The following NTM variants were observed in gnomAD, a reference collection of about 807,000 sequenced individuals.
NTM encodes the protein IgLON family member 2.
Under a neutral mutation model 42.1 loss-of-function variants are expected in NTM, and 13 were observed. That is an observed-to-expected ratio of 0.31 (90% CI 0.20 to 0.49). The LOEUF (loss-of-function observed/expected upper bound fraction) is 0.49. NTM is among the 20% of genes least tolerant of loss of function. The pLI, the probability that NTM is intolerant of heterozygous loss-of-function variation, is 0.99. For synonymous variants in NTM, 187 were observed against 179.2 expected (o/e 1.04, Z -0.35); for missense variants, 373 against 452.8 (o/e 0.82, Z 1.60).
intron 4 of NTM, among the ~76,000 whole-genome samples, chr11:132,303,712 C>CAAAAAA (rs139688601): frequency 1.8e-5 from 2 of 113,166 alleles, no homozygotes; most frequent in African/African-American, 3.2e-5. Context: ...TTCTAGGTGA[C>CAAAAAA]AAAAAAAAAA....
chr11:131,973,593 G>A (rs1293357749), intron 2 of NTM, among the ~76,000 whole-genome samples: 1 of 152,218 alleles, frequency 6.6e-6, no homozygotes, highest in Non-Finnish European at 1.5e-5. Context: ...ACAGTGGGCA[G>A]ATCACCTGAG....
chr11:131,583,178 A>G (rs947446135), intron 1 of NTM, among the ~76,000 whole-genome samples: 2 of 152,106 alleles, frequency 1.3e-5, no homozygotes, highest in East Asian at 1.9e-4. Context: ...TGTTCTTCCA[A>G]TTGGATTCAG....
intron 1 of NTM, among the ~76,000 whole-genome samples, chr11:131,858,671 G>T (rs1277020102): frequency 6.6e-6 from 1 of 152,236 alleles, no homozygotes; most frequent in Non-Finnish European, 1.5e-5. Flanking sequence ...GAGCTCACTG[G>T]CTTTGCTGAA....
intron 2 of NTM, among the ~76,000 whole-genome samples, chr11:132,128,124 T>C (rs563283290): frequency 6.6e-6 from 1 of 152,334 alleles, no homozygotes; most frequent in East Asian, 1.9e-4. Context: ...GGCAGATGGC[T>C]GGGGACAGGA....
intron 7 of NTM, chr11:132,317,802 G>GTGGAAGGCTATTGAAGGAGGTGAT (rs2095470305): frequency 3.7e-6 from 2 of 537,994 alleles, no homozygotes; most frequent in Non-Finnish European, 3.2e-6. Context: ...CTTAGAGGAT[G>GTGGAAGGCTATTGAAGGAGGTGAT]TGGAAGGCTA....
intron 4 of NTM, among the ~76,000 whole-genome samples, chr11:132,232,387 C>T (rs2087789021): frequency 6.6e-6 from 1 of 152,214 alleles, no homozygotes; most frequent in African/African-American, 2.4e-5. Flanking sequence ...GACCCGGGCA[C>T]ACTGCTGGGA....
intron 1 of NTM, among the ~76,000 whole-genome samples, chr11:131,566,161 T>C (rs1365483779): frequency 6.6e-6 from 1 of 152,162 alleles, no homozygotes; most frequent in Non-Finnish European, 1.5e-5. Flanking sequence ...AATATAATCC[T>C]GATAAGATCT....
chr11:132,239,618 G>A (rs1186074509), intron 4 of NTM, among the ~76,000 whole-genome samples: 1 of 152,096 alleles, frequency 6.6e-6, no homozygotes, highest in African/African-American at 2.4e-5. Flanking sequence ...CTTGGCCAAC[G>A]GTATAAATTG....
At chr11:131,617,392 C>G (rs765664270) in intron 1 of NTM, among the ~76,000 whole-genome samples, 2 of 152,188 alleles carry the variant, frequency 1.3e-5, no homozygotes, top group East Asian at 3.8e-4. Context: ...CCCGATTCTA[C>G]TGCGATTGTG....
At chr11:131,848,322 A>T (rs1275467437) in intron 1 of NTM, among the ~76,000 whole-genome samples, 1 of 152,142 alleles carries the variant, frequency 6.6e-6, no homozygotes, top group African/African-American at 2.4e-5. Context: ...CTCCAGTTGG[A>T]GTTTCCTTGA....
intron 1 of NTM, among the ~76,000 whole-genome samples, chr11:131,390,092 C>T (rs556514352): frequency 6.6e-6 from 1 of 152,286 alleles, no homozygotes; most frequent in East Asian, 1.9e-4. Context: ...CATGGTTCTG[C>T]AGGCTGTATT....
At chr11:132,242,437 G>A (rs1293043852) in intron 4 of NTM, among the ~76,000 whole-genome samples, 2 of 152,166 alleles carry the variant, frequency 1.3e-5, no homozygotes, top group Non-Finnish European at 2.9e-5. Flanking sequence ...ATGGTGGGTG[G>A]GGACAGAGTG....
chr11:131,541,505 GATTTTGTGAGCTATGTAAAGTCAGTCA>G (rs1271670282), intron 1 of NTM, among the ~76,000 whole-genome samples: 17 of 152,156 alleles, frequency 1.1e-4, no homozygotes, highest in Admixed American at 3.9e-4. Context: ...AAACCTAGTC[GATTTTGTGAGCTATGTAAAGTCAGTCA>G]ATTTTGTGAG....
intron 1 of NTM, among the ~76,000 whole-genome samples, chr11:131,732,517 A>G (rs2079824998): frequency 6.6e-6 from 1 of 152,190 alleles, no homozygotes. Context: ...TCTCACTGTG[A>G]GATTTCAGAA....
chr11:131,993,926 C>G (rs2067479996), intron 2 of NTM, among the ~76,000 whole-genome samples: 1 of 150,614 alleles, frequency 6.6e-6, no homozygotes, highest in Non-Finnish European at 1.5e-5. Flanking sequence ...TTGCTTGAAC[C>G]TGGAAGGCAG....
At chr11:131,767,242 T>C (rs1438242486) in intron 1 of NTM, 1 of 413,502 alleles carries the variant, frequency 2.4e-6, no homozygotes, top group Non-Finnish European at 3.3e-6. Context: ...CTCATAGGAT[T>C]GTTGTAAGAA....
chr11:131,624,839 C>T (rs529358535), intron 1 of NTM, among the ~76,000 whole-genome samples: 7 of 152,274 alleles, frequency 4.6e-5, no homozygotes, highest in Admixed American at 6.5e-5. Context: ...ACATGCCTAC[C>T]GCATGCCAGG....
intron 1 of NTM, among the ~76,000 whole-genome samples, chr11:131,652,541 G>A (rs1027499815): frequency 1.3e-5 from 2 of 152,184 alleles, no homozygotes; most frequent in Non-Finnish European, 2.9e-5. Flanking sequence ...TGATGTTTTT[G>A]GAAGTTTGCT....
chr11:131,865,736 C>CAT (rs1390850424), intron 1 of NTM, among the ~76,000 whole-genome samples: 1 of 86,766 alleles, frequency 1.2e-5, no homozygotes, highest in Non-Finnish European at 2.4e-5. Flanking sequence ...CCTGCTCTCA[C>CAT]ACGTTGCACA....
Sources: gnomAD v4.1 joint callset for allele counts (sites outside exome capture counted in the v4.1 genomes callset) on GRCh38, gnomAD v4.1.1 for gene constraint, MANE v1.5 for transcripts, NCBI Gene and HGNC (gene_info 2026-07-23, HGNC 2026-07-21) for gene names.